HYAL3: variants seen among roughly 807,000 people sequenced by gnomAD.
HYAL3 encodes hyaluronidase 3, also known as hyaluronidase-3.
In HYAL3, 25 loss-of-function variants were observed where a neutral mutation model predicts 29.6. The observed-to-expected ratio is 0.85, with a 90% CI of 0.62 to 1.18. HYAL3 has a LOEUF of 1.18. HYAL3 is among the 50% of genes most tolerant of loss of function. The pLI, the probability that HYAL3 is intolerant of heterozygous loss-of-function variation, is 0.00. For missense variants in HYAL3, 442 were observed against 548.4 expected, an observed-to-expected ratio of 0.81 and a Z score of 1.94; for synonymous variants, 215 against 218.3, an observed-to-expected ratio of 0.99 and a Z score of 0.13.
At position 50,294,861 on chromosome 3, in the gene HYAL3, G is replaced by A. The variant is rs1252877923; in HGVS notation, c.742C>T (p.Pro248Ser). 1 of 1,544,296 alleles carries A rather than the reference G, an allele frequency of 6.5e-7. No individual in the cohort carries two copies. Among genetic ancestry groups the A allele is most frequent in the African/African-American group, 1.4e-5 (1 of 73,260 alleles). ...TGGTGGGCAGGTGGCAGCCTGGGTG[G>A]GAGGTAGATGCTGGGGAAGAGGGCA... Reference protein sequence around the residue: ...SSALFPSIYLPPRLPPAHHQA... With the variant: ...SSALFPSIYLSPRLPPAHHQA... Residue 248 changes from proline (P) to serine (S), a missense_variant, in exon 2 of 4, where the codon CCA becomes TCA. Transcript: ENST00000336307.
Position 50,292,833 on chromosome 3 carries a change from A to G in HYAL3, c.*413T>C, listed in dbSNP as rs782666316. On this transcript the variant is annotated 3_prime_UTR_variant, in exon 4 of 4. Coordinates refer to ENST00000336307, the MANE Select transcript of HYAL3 (RefSeq NM_003549.4). ...CAGGAGCAACAGCCAAACCTCAGGC[A>G]GTGGAAAAAAGTGACTTTATGATGA... 4.0e-6 allele frequency: 6 copies of G among 1,501,536 alleles called. No individual in the cohort carries two copies. Among genetic ancestry groups the G allele is most frequent in the Non-Finnish European group, 5.4e-6 (6 of 1,118,162 alleles). The allele number at this position is 1,501,536 out of a possible 1,614,324, so 93.0% of individuals were successfully genotyped here.
At position 50,297,139 on chromosome 3, in the gene HYAL3, T is replaced by G; in HGVS notation, c.-17-1520A>C. ...GCTGCTTCAAGTGTGGGGTGGGGGC[T>G]TAGCAGCATCAGGCAGAGGGGGAAG... On this transcript the variant is annotated intron_variant, in intron 1 of 3. Transcript: ENST00000336307. The surrounding 1 kb of genome is among the most constrained non-coding windows in gnomAD (Gnocchi z 4.3). 1.9e-6 allele frequency: 3 copies of G among 1,585,942 alleles called. No homozygotes were observed. Among genetic ancestry groups the G allele is most frequent in the Non-Finnish European group, 2.6e-6 (3 of 1,164,232 alleles).
chr3:50,293,578 C>T, intron 3 of HYAL3, 54 bp downstream of exon 3: 1 of 1,611,978 alleles, frequency 6.2e-7, no homozygotes, highest in Non-Finnish European at 8.5e-7. Flanking sequence ...GGCCGTCCCC[C>T]ACCCTGGGAC....
Position 50,296,955 on chromosome 3 carries a change from C to G in HYAL3, c.-17-1336G>C, listed in dbSNP as rs373486474. 2.3e-5 allele frequency: 37 copies of G among 1,600,914 alleles called. No homozygotes were observed. Among genetic ancestry groups the G allele is most frequent in the Non-Finnish European group, 3.1e-5 (36 of 1,175,290 alleles). The stretch of plus-strand genomic sequence containing the variant: ...GTCATGGGTGGTGAGATGCAGCTTG[C>G]GGAAGCCCCGGGCCCGAGCAAAGAC... On this transcript the variant is annotated intron_variant, in intron 1 of 3. Transcript: ENST00000336307.
rs1313928156 is a variant in HYAL3, at chr3:50,297,484, T to C, written c.-18+1729A>G. On this transcript the variant is annotated intron_variant, in intron 1 of 3. Transcript: ENST00000336307. The surrounding 1 kb of genome is among the most constrained non-coding windows in gnomAD (Gnocchi z 4.3). ...TCCATCCGGTGTGTAGGGTCTAGTG[T>C]AGGGGTCAGCTTGGCTGGGCCAGGG... The C allele has an allele frequency of 6.4e-7, 1 of 1,567,954 alleles. No individual in the cohort carries two copies. The highest frequency in any genetic ancestry group is 2.3e-5 in the East Asian group (1 of 44,134).
At position 50,293,453 on chromosome 3, in the gene HYAL3, C is replaced by A. The variant is rs782794323; in HGVS notation, c.1047G>T (p.Val349=). 2.5e-6 allele frequency: 4 copies of A among 1,613,768 alleles called. No individual in the cohort carries two copies. In the Admixed American group the frequency reaches 5.0e-5, roughly 20 times the overall value. Residue 349 remains valine, a synonymous_variant, in exon 4 of 4, where the codon GTG becomes GTT. Transcript: ENST00000336307. ...GACTGCAGGCCATCGCTGCCCTGGT[C>A]ACATTGATCACATAGGGGCCCAAGG... is the stretch of plus-strand genomic sequence containing the variant. ...VDTLGPYVIN[V]TRAAMACSHQ...
rs939834000 is a variant in HYAL3, at chr3:50,298,226, C to T, written c.-18+987G>A. The stretch of plus-strand genomic sequence containing the variant: ...GTTCCGAGTCTCCTCCAGCTCCCAG[C>T]CTTTTCAACTACCTGGGCTATGCCC... On this transcript the variant is annotated intron_variant, in intron 1 of 3. Transcript: ENST00000336307. 9 of 563,264 alleles carry T rather than the reference C, an allele frequency of 1.6e-5. No individual in the cohort carries two copies. In the African/African-American group the frequency reaches 1.8e-4, roughly 12 times the overall value. 34.9% of individuals were successfully genotyped at this position (563,264 alleles called of 1,614,324 possible).
Position 50,293,248 on chromosome 3 carries a change from A to T in HYAL3, c.1252T>A (p.Ter418LysextTer57). ...AGGCAGTGGCAGGGGCCCTGGCTTT[A>T]TACTGCTTCTTTAGGCCCAGGCCTG... ...EPRPGPKEAV[*>K] The change falls in exon 4 of 4, where the codon TAA becomes AAA. Residue 418 changes from the stop codon to lysine, a stop_lost. Coordinates refer to ENST00000336307, the MANE Select transcript of HYAL3 (RefSeq NM_003549.4). The T allele has an allele frequency of 2.5e-6, 4 of 1,613,052 alleles. No homozygotes were observed. The highest frequency in any genetic ancestry group is 3.4e-6 in the Non-Finnish European group (4 of 1,180,008).
chr3:50,298,889 T>C lies in HYAL3; in HGVS notation c.-18+324A>G, dbSNP rs587661389. ...GGGAGGAAGCCCCAGGATCCGCCCCTAGGGCTGAGCCCGGGGCTTCCCCGC... is the reference window on the plus strand; with the variant it reads ...GGGAGGAAGCCCCAGGATCCGCCCCCAGGGCTGAGCCCGGGGCTTCCCCGC... On this transcript the variant is annotated intron_variant, in intron 1 of 3. Coordinates refer to ENST00000336307, the MANE Select transcript of HYAL3 (RefSeq NM_003549.4). The C allele has an allele frequency of 1.5e-5, 20 of 1,335,676 alleles. No individual in the cohort carries two copies. The South Asian group carries it at 3.0e-4, about 20-fold the overall frequency. 82.7% of individuals were successfully genotyped at this position (1,335,676 alleles called of 1,614,324 possible).
At chr3:50,298,130 T>A in intron 1 of HYAL3, 1 of 981,714 alleles carries the variant, frequency 1.0e-6, no homozygotes, top group Non-Finnish European at 1.2e-6. Context: ...TACCCCCTGC[T>A]CAAACCTACC....
Position 50,297,273 on chromosome 3 carries a change from G to C in HYAL3, c.-17-1654C>G. On this transcript the variant is annotated intron_variant, in intron 1 of 3. Coordinates refer to ENST00000336307, the MANE Select transcript of HYAL3 (RefSeq NM_003549.4). The surrounding 1 kb of genome is among the most constrained non-coding windows in gnomAD (Gnocchi z 4.3). ...CAGGAGCTCGGGTCGGCGGTGCACAGGCTCCAGGGTCAACTCAGCCAGGCT... is the reference window on the plus strand; with the variant it reads ...CAGGAGCTCGGGTCGGCGGTGCACACGCTCCAGGGTCAACTCAGCCAGGCT... The C allele has an allele frequency of 6.2e-7, 1 of 1,607,802 alleles. No individual in the cohort carries two copies. Among genetic ancestry groups the C allele is most frequent in the Non-Finnish European group, 8.5e-7 (1 of 1,175,852 alleles).
At chr3:50,296,052 C>G (rs1685695389) in intron 1 of HYAL3, among the ~76,000 whole-genome samples, 1 of 152,226 alleles carries the variant, frequency 6.6e-6, no homozygotes, top group Non-Finnish European at 1.5e-5. Context: ...CCTGGGAGGT[C>G]TCCTGGATCC....
At position 50,293,466 on chromosome 3, in the gene HYAL3, T is replaced by C; in HGVS notation, c.1034A>G (p.Tyr345Cys). 1 of 1,613,792 alleles carries C rather than the reference T, an allele frequency of 6.2e-7. No homozygotes were observed. The highest frequency in any genetic ancestry group is 8.5e-7 in the Non-Finnish European group (1 of 1,180,024). The change falls in exon 4 of 4, where the codon TAT becomes TGT. Residue 345 changes from tyrosine (Y) to cysteine (C), a missense_variant. Coordinates refer to ENST00000336307, the MANE Select transcript of HYAL3 (RefSeq NM_003549.4). ...HDYLVDTLGP[Y>C]VINVTRAAMA... is the part of the protein sequence containing the mutation. ...CGCTGCCCTGGTCACATTGATCACA[T>C]AGGGGCCCAAGGTGTCCACCAGGTA...
intron 1 of HYAL3, chr3:50,296,860 T>C (rs1553711273): frequency 6.3e-7 from 1 of 1,593,666 alleles, no homozygotes; most frequent in Non-Finnish European, 8.5e-7. Flanking sequence ...GGCAGCCGTC[T>C]GCTGGTGAAG....
At chr3:50,299,000 C>A in intron 1 of HYAL3, 1 of 1,469,494 alleles carries the variant, frequency 6.8e-7, no homozygotes, top group Non-Finnish European at 9.0e-7. Context: ...CTCTCCCGGG[C>A]CTCGGTTTCC....
Position 50,295,645 on chromosome 3 carries a change from TTA to T in HYAL3, c.-17-28_-17-27del, listed in dbSNP as rs782548312. On this transcript the variant is annotated intron_variant, in intron 1 of 3. Coordinates refer to ENST00000336307, the MANE Select transcript of HYAL3 (RefSeq NM_003549.4). ...CTGCAGGAGAGAGGGGGGTGTAAGC[TTA>T]GAGTCCGCAGCTATGGCCACACCTT... The T allele has an allele frequency of 2.0e-6, 3 of 1,504,508 alleles. No individual in the cohort carries two copies. The Admixed American group carries it at 7.0e-5, about 35-fold the overall frequency. 93.2% of individuals were successfully genotyped at this position (1,504,508 alleles called of 1,614,324 possible). A position where few individuals can be genotyped will look rare whatever the true frequency, so the allele number is the denominator to read the frequency against.
At chr3:50,296,507 G>C (rs1701844271) in intron 1 of HYAL3, 2 of 1,420,192 alleles carry the variant, frequency 1.4e-6, no homozygotes, top group African/African-American at 1.4e-5. Flanking sequence ...CTGCCCCCCA[G>C]GGGCTAGGGG....
Position 50,293,074 on chromosome 3 carries a change from T to G in HYAL3, c.*172A>C. 1 of 1,417,196 alleles carries G rather than the reference T, an allele frequency of 7.1e-7. No individual in the cohort carries two copies. The allele number at this position is 1,417,196 out of a possible 1,614,324, so 87.8% of individuals were successfully genotyped here. On this transcript the variant is annotated 3_prime_UTR_variant, in exon 4 of 4. Coordinates refer to ENST00000336307, the MANE Select transcript of HYAL3 (RefSeq NM_003549.4). ...CACATGATCTCAGAGGGCCTCTGGT[T>G]TTATAAGCGTTTTTTCTGGCCCCTT...
intron 1 of HYAL3, 148 bp downstream of exon 1, chr3:50,299,065 G>A: frequency 1.9e-6 from 3 of 1,598,222 alleles, no homozygotes; most frequent in East Asian, 2.2e-5. Context: ...AGGACTTCGA[G>A]AGCTCGACTC....
Sources: gnomAD v4.1 joint callset for allele counts (sites outside exome capture counted in the v4.1 genomes callset) on GRCh38, gnomAD v4.1.1 for gene constraint, Gnocchi (gnomAD v3.1) non-coding constraint, MANE v1.5 for transcripts, NCBI Gene and HGNC (gene_info 2026-07-23, HGNC 2026-07-21) for gene names.